Variants in ABI1 observed in about 807,000 individuals in gnomAD.
ABI1 encodes Abelson interactor 1.
A neutral mutation model predicts 54.6 loss-of-function variants in ABI1; 14 were observed. The observed-to-expected ratio is 0.26, with a 90% CI of 0.17 to 0.40. ABI1 has a LOEUF of 0.40. Among genes scored for constraint, ABI1 ranks in the 10% least tolerant of loss-of-function variants. The pLI, the probability that ABI1 is intolerant of heterozygous loss-of-function variation, is 1.00. For synonymous variants in ABI1, 194 were observed against 209.3 expected (o/e 0.93, Z 0.63); for missense variants, 443 against 598.3 (o/e 0.74, Z 2.71).
At position 26,822,805 on chromosome 10, in the gene ABI1, C is replaced by G. The variant is rs140413826; in HGVS notation, c.285+333G>C. 1.5e-3 allele frequency among the ~76,000 whole-genome samples: 227 copies of G among 152,212 alleles called. 1 individual carries two copies. The highest frequency in any genetic ancestry group is 5.2e-3 in the African/African-American group (217 of 41,548). On this transcript the variant is annotated intron_variant, in intron 2 of 10. Coordinates refer to ENST00000376140, the MANE Select transcript of ABI1 (RefSeq NM_001012750.3). ...ACATGGGTATACATGTGTGTCAAAACTTATAAAAATTCTGTTCTTTATGTA... is the reference window on the plus strand; with the variant it reads ...ACATGGGTATACATGTGTGTCAAAAGTTATAAAAATTCTGTTCTTTATGTA...
In ABI1 at chr10:26,748,331, G is replaced by C. The variant is rs1347565244; in HGVS notation, c.*239C>G. 1 of 364,036 alleles carries C rather than the reference G, an allele frequency of 2.7e-6. No individual in the cohort carries two copies. Among genetic ancestry groups the C allele is most frequent in the Non-Finnish European group, 5.0e-6 (1 of 200,246 alleles). 22.6% of individuals were successfully genotyped at this position (364,036 alleles called of 1,614,324 possible). ...TTAGGCTGGTCATAAAGTTAAAAAT[G>C]TGTAAGTAAGTACATAAGCATAATC... On this transcript the variant is annotated 3_prime_UTR_variant, in exon 11 of 11. Coordinates refer to ENST00000376140, the MANE Select transcript of ABI1 (RefSeq NM_001012750.3).
rs898253993 is a variant in ABI1 at position 26,748,131 on chromosome 10, AT to A, written c.*438del. ...TTTATGCATGCTTTAAACAAACAGT[AT>A]TTTTTTTAAATGAGAGAATCTAACA... On this transcript the variant is annotated 3_prime_UTR_variant, in exon 11 of 11. Coordinates refer to ENST00000376140, the MANE Select transcript of ABI1 (RefSeq NM_001012750.3). 2.0e-4 allele frequency: 44 copies of A among 214,978 alleles called. No homozygotes were observed. The highest frequency in any genetic ancestry group is 8.1e-4 in the Admixed American group (14 of 17,184). 13.3% of individuals were successfully genotyped at this position (214,978 alleles called of 1,614,324 possible). A position where few individuals can be genotyped will look rare whatever the true frequency, so the allele number is the denominator to read the frequency against.
chr10:26,789,939 G>A (rs1191031969), intron 2 of ABI1, among the ~76,000 whole-genome samples: 2 of 152,154 alleles, frequency 1.3e-5, no homozygotes, highest in Non-Finnish European at 2.9e-5. Flanking sequence ...CTCCATCCAT[G>A]TCCCTGCAAA....
intron 3 of ABI1, among the ~76,000 whole-genome samples, chr10:26,773,015 C>T (rs1283296753): frequency 6.6e-6 from 1 of 151,922 alleles, no homozygotes; most frequent in Non-Finnish European, 1.5e-5. Context: ...AAGTTGTGAG[C>T]TGTGATTGAG....
At chr10:26,786,276 C>T (rs538439455) in intron 2 of ABI1, among the ~76,000 whole-genome samples, 3 of 150,924 alleles carry the variant, frequency 2.0e-5, no homozygotes, top group East Asian at 3.9e-4. Context: ...TTCAGTGGTG[C>T]GATCTCGGCT....
chr10:26,829,992 A>G (rs959866200), intron 1 of ABI1, among the ~76,000 whole-genome samples: 3 of 152,176 alleles, frequency 2.0e-5, no homozygotes, highest in Admixed American at 6.5e-5. Context: ...CCTGGAAACC[A>G]CTGACTTCCT....
chr10:26,804,694 A>T (rs774090683), intron 2 of ABI1, among the ~76,000 whole-genome samples: 1 of 152,192 alleles, frequency 6.6e-6, no homozygotes, highest in East Asian at 1.9e-4. Flanking sequence ...GGTTAGCACT[A>T]TTGTCCAAAT....
intron 2 of ABI1, among the ~76,000 whole-genome samples, chr10:26,796,032 T>C (rs1411605969): frequency 6.6e-6 from 1 of 151,860 alleles, no homozygotes; most frequent in Non-Finnish European, 1.5e-5. Context: ...TAAGCTGCAA[T>C]GAGCCATGAT....
chr10:26,844,570 A>G (rs2049830611), intron 1 of ABI1, among the ~76,000 whole-genome samples: 1 of 152,154 alleles, frequency 6.6e-6, no homozygotes, highest in Non-Finnish European at 1.5e-5. Context: ...GCTAGCAGTC[A>G]AGCTTTATTC....
intron 2 of ABI1, chr10:26,790,508 C>T (rs990671854): frequency 6.6e-6 from 1 of 151,626 alleles, no homozygotes; most frequent in Non-Finnish European, 1.5e-5. Flanking sequence ...TTTTAAGTTC[C>T]TTATAGAAGC....
In ABI1 at chr10:26,823,185, C is replaced by G; in HGVS notation, c.238G>C (p.Ala80Pro). 1.9e-6 allele frequency: 3 copies of G among 1,602,816 alleles called. No individual in the cohort carries two copies. The highest frequency in any genetic ancestry group is 2.5e-6 in the Non-Finnish European group (3 of 1,176,530). Reference sequence around the variant, plus strand: ...GACTCCATTCTCCGAAGCTGAGAGGCTTGGATATCCAGCAACTGGAGTACA... The same window carrying G: ...GACTCCATTCTCCGAAGCTGAGAGGGTTGGATATCCAGCAACTGGAGTACA... ...NNVLQLLDIQ[A>P]SQLRRMESSI... The change falls in exon 2 of 11, where the codon GCC becomes CCC. Residue 80 changes from alanine (A) to proline (P), a missense_variant. By Grantham distance (27) the Ala-to-Pro change is conservative. Transcript: ENST00000376140.
At chr10:26,855,477 C>G (rs147788650) in intron 1 of ABI1, among the ~76,000 whole-genome samples, 119 of 152,300 alleles carry the variant, frequency 7.8e-4, no homozygotes, top group Non-Finnish European at 1.5e-3. Context: ...CAAAACTTAA[C>G]TTTTATGAGT....
intron 1 of ABI1, among the ~76,000 whole-genome samples, chr10:26,831,731 GT>G (rs1260285850): frequency 1.0e-5 from 1 of 96,396 alleles, no homozygotes; most frequent in Non-Finnish European, 1.8e-5. Flanking sequence ...CAGGTATCTT[GT>G]AAAAAAAATC....
intron 1 of ABI1, among the ~76,000 whole-genome samples, chr10:26,852,425 G>A (rs1291033483): frequency 6.6e-6 from 1 of 152,178 alleles, no homozygotes; most frequent in Non-Finnish European, 1.5e-5. Flanking sequence ...GTTGAGGTGA[G>A]CAGAGATTGT....
chr10:26,816,241 C>T (rs557586525), intron 2 of ABI1, among the ~76,000 whole-genome samples: 5 of 152,050 alleles, frequency 3.3e-5, no homozygotes, highest in Admixed American at 6.5e-5. Flanking sequence ...AGTGATAATG[C>T]TAGATAGAGG....
chr10:26,748,197 T>G lies in ABI1; in HGVS notation c.*373A>C. The G allele has an allele frequency of 4.4e-6, 1 of 229,380 alleles. No homozygotes were observed. The highest frequency in any genetic ancestry group is 6.4e-5 in the East Asian group (1 of 15,698). 14.2% of individuals were successfully genotyped at this position (229,380 alleles called of 1,614,324 possible). ...AGCACCAGCATTTAAATTTTCTGAT[T>G]TTAATATTAGTCTGACATAGCGTTA... On this transcript the variant is annotated 3_prime_UTR_variant, in exon 11 of 11. Coordinates refer to ENST00000376140, the MANE Select transcript of ABI1 (RefSeq NM_001012750.3).
At chr10:26,806,926 A>G (rs1168276102) in intron 2 of ABI1, among the ~76,000 whole-genome samples, 4 of 152,234 alleles carry the variant, frequency 2.6e-5, no homozygotes, top group African/African-American at 4.8e-5. Flanking sequence ...GTTGTCACAC[A>G]TAAGAAATCA....
intron 2 of ABI1, among the ~76,000 whole-genome samples, chr10:26,785,471 C>T (rs892217882): frequency 6.6e-6 from 1 of 152,166 alleles, no homozygotes; most frequent in African/African-American, 2.4e-5. Context: ...CCTGTAATCC[C>T]AGCACTTTGG....
chr10:26,748,332 TGTAA>T lies in ABI1; in HGVS notation c.*234_*237del, dbSNP rs1388203577. ...TAGGCTGGTCATAAAGTTAAAAATG[TGTAA>T]GTAAGTACATAAGCATAATCAGTTA... On this transcript the variant is annotated 3_prime_UTR_variant, in exon 11 of 11. Transcript: ENST00000376140. 1.4e-5 allele frequency: 5 copies of T among 366,820 alleles called. No homozygotes were observed. The highest frequency in any genetic ancestry group is 8.2e-5 in the South Asian group (1 of 12,144). The allele number at this position is 366,820 out of a possible 1,614,324, so 22.7% of individuals were successfully genotyped here. A position where few individuals can be genotyped will look rare whatever the true frequency, so the allele number is the denominator to read the frequency against.
Sources: allele counts gnomAD v4.1 joint callset (sites outside exome capture counted in the v4.1 genomes callset), GRCh38; gene constraint gnomAD v4.1.1; transcripts MANE v1.5; gene names NCBI Gene and HGNC (gene_info 2026-07-23, HGNC 2026-07-21).